Variants in MEMO1 observed in about 807,000 individuals in gnomAD.
The protein encoded by MEMO1 is mediator of cell motility 1.
A neutral mutation model predicts 45.2 loss-of-function variants in MEMO1; 6 were observed. The ratio of observed to expected loss-of-function variants is 0.13; its 90% CI spans 0.07 to 0.26. The LOEUF is 0.26. MEMO1 is among the 10% of genes least tolerant of loss of function. The pLI, the probability that MEMO1 is intolerant of heterozygous loss-of-function variation, is 1.00. For missense variants in MEMO1, 184 were observed against 370.5 expected, an observed-to-expected ratio of 0.50 and a Z score of 4.13; for synonymous variants, 78 against 124.3, an observed-to-expected ratio of 0.63 and a Z score of 2.48.
At chr2:31,869,979 G>C in intron 8 of MEMO1, 27 bp from the exon 9 acceptor site, 1 of 1,342,342 alleles carries the variant, frequency 7.4e-7, no homozygotes, top group Non-Finnish European at 9.9e-7. Context: ...AGAAGAGGAA[G>C]AAAAAAATAA....
intron 7 of MEMO1, among the ~76,000 whole-genome samples, chr2:31,886,339 A>G (rs555469765): frequency 5.5e-4 from 84 of 152,352 alleles, no homozygotes; most frequent in African/African-American, 1.8e-3. Flanking sequence ...TCTGGTCAAT[A>G]TACATACAGA....
intron 7 of MEMO1, among the ~76,000 whole-genome samples, chr2:31,890,886 G>A (rs1346548892): frequency 6.6e-6 from 1 of 152,168 alleles, no homozygotes; most frequent in Non-Finnish European, 1.5e-5. Flanking sequence ...AAATGCCCCT[G>A]AGAGTAAAAT....
At chr2:32,005,456 T>G (rs1444945977) in intron 2 of MEMO1, among the ~76,000 whole-genome samples, 2 of 152,114 alleles carry the variant, frequency 1.3e-5, no homozygotes, top group South Asian at 2.1e-4. Context: ...TGGTGGGAAT[T>G]CCAGTACTGA....
chr2:31,886,524 A>C (rs1247719646), intron 7 of MEMO1, among the ~76,000 whole-genome samples: 1 of 152,148 alleles, frequency 6.6e-6, no homozygotes, highest in African/African-American at 2.4e-5. Flanking sequence ...TTTATTTAAT[A>C]ATAAAGAAAA....
chr2:31,950,100 G>C (rs1666661302), intron 2 of MEMO1, among the ~76,000 whole-genome samples: 1 of 152,056 alleles, frequency 6.6e-6, no homozygotes, highest in Admixed American at 6.5e-5. Flanking sequence ...ATATATTATT[G>C]CCGGGCGCAG....
intron 3 of MEMO1, among the ~76,000 whole-genome samples, chr2:31,934,805 G>A (rs72796831): frequency 0.039 from 6,010 of 152,202 alleles, 157 homozygotes; most frequent in Non-Finnish European, 0.054. Flanking sequence ...AGCAATTAGA[G>A]GCAGGAGGGT....
At chr2:31,991,737 C>G (rs1558560899) in intron 2 of MEMO1, among the ~76,000 whole-genome samples, 1 of 152,086 alleles carries the variant, frequency 6.6e-6, no homozygotes, top group Non-Finnish European at 1.5e-5. Context: ...AAATCTTACT[C>G]TTTTTATTGG....
rs142547647 is a variant in MEMO1 at position 31,953,449 on chromosome 2, A to G, written c.62-10066T>C. Among the ~76,000 whole-genome samples, 973 of 140,092 alleles carry G rather than the reference A, an allele frequency of 6.9e-3. 11 individuals are homozygous for G. The highest frequency in any genetic ancestry group is 0.024 in the African/African-American group (909 of 38,410). The allele number at this position is 140,092 out of a possible 152,430, so 91.9% of individuals were successfully genotyped here. A position where few individuals can be genotyped will look rare whatever the true frequency, so the allele number is the denominator to read the frequency against. On this transcript the variant is annotated intron_variant, in intron 2 of 9. Transcript: ENST00000404530. ...ACTATGTAAATCAGTACGAACTTTC[A>G]TAAGATTTTTTTTTTTCTTTTTTTG...
intron 2 of MEMO1, among the ~76,000 whole-genome samples, chr2:31,967,618 A>G (rs755426734): frequency 1.3e-5 from 2 of 151,644 alleles, no homozygotes; most frequent in Non-Finnish European, 2.9e-5. Context: ...CTGGCTAATT[A>G]TTTTTTGTAG....
At chr2:31,962,549 C>A (rs1452558686) in intron 2 of MEMO1, among the ~76,000 whole-genome samples, 1 of 152,052 alleles carries the variant, frequency 6.6e-6, no homozygotes, top group Non-Finnish European at 1.5e-5. Flanking sequence ...AGAGTAAACA[C>A]CAAAAACCTC....
chr2:31,956,400 A>G (rs185121993), intron 2 of MEMO1, among the ~76,000 whole-genome samples: 316 of 152,010 alleles, frequency 2.1e-3, no homozygotes, highest in African/African-American at 6.9e-3. Flanking sequence ...TATTTTTCAT[A>G]TATTTCTACC....
intron 1 of MEMO1, chr2:32,010,478 C>T (rs1412556002): frequency 5.6e-6 from 2 of 356,204 alleles, no homozygotes; most frequent in Non-Finnish European, 1.1e-5. Flanking sequence ...TCACCACAAA[C>T]TCCGGCGACC....
intron 8 of MEMO1, among the ~76,000 whole-genome samples, chr2:31,881,495 TAAAAA>T (rs34058748): frequency 2.0e-4 from 14 of 68,426 alleles, no homozygotes; most frequent in African/African-American, 8.4e-4. Context: ...AGCCTGTCTT[TAAAAA>T]AAAAAAAAAA....
intron 2 of MEMO1, among the ~76,000 whole-genome samples, chr2:31,972,778 C>G (rs956756102): frequency 6.6e-6 from 1 of 151,968 alleles, no homozygotes; most frequent in Non-Finnish European, 1.5e-5. Flanking sequence ...GGATTAATAC[C>G]CAGAATATAT....
At position 31,943,271 on chromosome 2, in the gene MEMO1, CAAAACA is replaced by C. The variant is rs772267665; in HGVS notation, c.143+25_143+30del. On this transcript the variant is annotated intron_variant, in intron 3 of 9. Transcript: ENST00000404530. ...CACAGGGAGACTCCTTCTCAAAAAA[CAAAACA>C]AAAACAAAAACAAAAAAGACTTACG... 1.2e-5 allele frequency: 19 copies of C among 1,564,520 alleles called. No individual in the cohort carries two copies. The African/African-American group carries it at 1.9e-4, about 16-fold the overall frequency.
intron 4 of MEMO1, among the ~76,000 whole-genome samples, chr2:31,924,804 T>C (rs1572697958): frequency 6.6e-6 from 1 of 152,352 alleles, no homozygotes. Context: ...AAGTTACTAC[T>C]ACCTAAGGAC....
chr2:31,963,595 T>G (rs926435294), intron 2 of MEMO1, among the ~76,000 whole-genome samples: 1 of 152,166 alleles, frequency 6.6e-6, no homozygotes, highest in Non-Finnish European at 1.5e-5. Context: ...ATAGTCAAGG[T>G]TGGGAAGTAT....
intron 6 of MEMO1, among the ~76,000 whole-genome samples, chr2:31,916,582 A>G (rs753927145): frequency 6.6e-5 from 10 of 152,220 alleles, no homozygotes; most frequent in African/African-American, 1.9e-4. Flanking sequence ...ATATGCAAAC[A>G]TCTCAGTGAA....
intron 2 of MEMO1, among the ~76,000 whole-genome samples, chr2:31,974,432 A>T (rs983561685): frequency 6.6e-6 from 1 of 152,140 alleles, no homozygotes; most frequent in Non-Finnish European, 1.5e-5. Context: ...CAATGACTCA[A>T]ATTTGCTTCT....
Sources: allele counts gnomAD v4.1 joint callset (sites outside exome capture counted in the v4.1 genomes callset), GRCh38; gene constraint gnomAD v4.1.1; transcripts MANE v1.5; gene names NCBI Gene and HGNC (gene_info 2026-07-23, HGNC 2026-07-21).